GYS2: variants seen among roughly 807,000 people sequenced by gnomAD.
The protein encoded by GYS2 is glycogen [starch] synthase, liver.
In GYS2, 80 loss-of-function variants were observed where a neutral mutation model predicts 85.6. The ratio of observed to expected loss-of-function variants is 0.93; its 90% CI spans 0.78 to 1.13. The LOEUF is 1.13. Among genes scored for constraint, GYS2 ranks in the 50% most tolerant of loss-of-function variants. GYS2 has a pLI of 0.00. For missense variants in GYS2, 881 were observed against 854.9 expected, an observed-to-expected ratio of 1.03 and a Z score of -0.38; for synonymous variants, 328 against 300.7, an observed-to-expected ratio of 1.09 and a Z score of -0.94.
At chr12:21,566,860 T>A (rs909674356) in intron 5 of GYS2, among the ~76,000 whole-genome samples, 3 of 152,170 alleles carry the variant, frequency 2.0e-5, no homozygotes, top group African/African-American at 7.2e-5. Context: ...TGACCACTAC[T>A]CTGTAGCTAT....
intron 1 of GYS2, among the ~76,000 whole-genome samples, chr12:21,582,828 A>T (rs1944528078): frequency 6.6e-6 from 1 of 152,180 alleles, no homozygotes; most frequent in Admixed American, 6.5e-5. Flanking sequence ...GAGAACACTG[A>T]TAATCCTTGG....
intron 12 of GYS2, 57 bp from the exon 13 acceptor site, chr12:21,542,648 GC>G (rs1943992687): frequency 1.8e-6 from 2 of 1,130,292 alleles, no homozygotes; most frequent in Admixed American, 3.4e-5. Context: ...ATCCTTGTAT[GC>G]ACTCAGAGGA....
chr12:21,585,950 G>A (rs1944567919), intron 1 of GYS2, among the ~76,000 whole-genome samples: 2 of 152,148 alleles, frequency 1.3e-5, no homozygotes, highest in Admixed American at 1.3e-4. Context: ...GTCTTTATTT[G>A]AAGATAATGT....
intron 1 of GYS2, among the ~76,000 whole-genome samples, chr12:21,599,058 T>C (rs1161610326): frequency 1.0e-5 from 1 of 96,780 alleles, no homozygotes; most frequent in Non-Finnish European, 2.1e-5. Flanking sequence ...TCTCTTTCTC[T>C]GCCTCTCTCT....
intron 7 of GYS2, among the ~76,000 whole-genome samples, chr12:21,562,412 G>A (rs1397645926): frequency 6.6e-6 from 1 of 152,078 alleles, no homozygotes; most frequent in South Asian, 2.1e-4. Flanking sequence ...GGAGAGGAGA[G>A]TGATGGTCAG....
At chr12:21,562,539 T>C (rs1215122123) in intron 7 of GYS2, among the ~76,000 whole-genome samples, 1 of 152,174 alleles carries the variant, frequency 6.6e-6, no homozygotes, top group Non-Finnish European at 1.5e-5. Context: ...TGAAAATTGA[T>C]ATTTTGCTCT....
Position 21,540,532 on chromosome 12 carries a change from A to G in GYS2, c.1687T>C (p.Ser563Pro). Residue 563 changes from serine to proline, a missense_variant, in exon 14 of 16, where the codon TCT becomes CCT. Transcript: ENST00000261195. The part of the protein sequence containing the change: ...VDRRFRSPDD[S>P]CNQLTKFLYG... ...AGAAACTTAGTCAGCTGATTGCAAG[A>G]ATCATCTGGAGAACGGAACCGCCTG... 6.2e-7 allele frequency: 1 copy of G among 1,614,074 alleles called. No individual in the cohort carries two copies. Among genetic ancestry groups the G allele is most frequent in the Non-Finnish European group, 8.5e-7 (1 of 1,179,936 alleles).
intron 11 of GYS2, among the ~76,000 whole-genome samples, chr12:21,549,265 T>G (rs1944078562): frequency 6.6e-6 from 1 of 152,206 alleles, no homozygotes; most frequent in Non-Finnish European, 1.5e-5. Flanking sequence ...CCTAAGGGGT[T>G]ATTGAAAATA....
At chr12:21,565,431 A>ATG (rs1247721502) in intron 5 of GYS2, among the ~76,000 whole-genome samples, 5 of 118,894 alleles carry the variant, frequency 4.2e-5, no homozygotes, top group Non-Finnish European at 9.1e-5. Context: ...ATATATATAT[A>ATG]TATGGATGTT....
intron 1 of GYS2, among the ~76,000 whole-genome samples, 196 bp downstream of exon 1, chr12:21,604,276 A>T (rs893160311): frequency 6.6e-6 from 1 of 152,144 alleles, no homozygotes; most frequent in Non-Finnish European, 1.5e-5. Context: ...TCCCTCTTCA[A>T]CACATACACA....
intron 1 of GYS2, among the ~76,000 whole-genome samples, chr12:21,603,103 T>A (rs1310982472): frequency 6.6e-6 from 1 of 152,104 alleles, no homozygotes; most frequent in East Asian, 1.9e-4. Flanking sequence ...GAAAAATTTG[T>A]GACTAGAAAA....
chr12:21,536,691 A>C lies in GYS2; in HGVS notation c.*263T>G, dbSNP rs557625383. 6.2e-6 allele frequency: 3 copies of C among 485,118 alleles called. No individual in the cohort carries two copies. The highest frequency in any genetic ancestry group is 3.9e-5 in the African/African-American group (2 of 51,476). The allele number at this position is 485,118 out of a possible 1,614,324, so 30.1% of individuals were successfully genotyped here. A position where few individuals can be genotyped will look rare whatever the true frequency, so the allele number is the denominator to read the frequency against. ...TTACCACTTAAATTCACCATTTTAA[A>C]AACACTTTTCCGTCTTCTGCCTTTA... is the stretch of plus-strand genomic sequence containing the variant. On this transcript the variant is annotated 3_prime_UTR_variant, in exon 16 of 16. Transcript: ENST00000261195.
At chr12:21,591,650 A>G (rs1190903867) in intron 1 of GYS2, among the ~76,000 whole-genome samples, 2 of 152,284 alleles carry the variant, frequency 1.3e-5, no homozygotes, top group Non-Finnish European at 1.5e-5. Flanking sequence ...AGAAATTCCC[A>G]AATAATATAA....
chr12:21,552,124 G>A (rs981137425), intron 11 of GYS2, among the ~76,000 whole-genome samples: 2 of 152,058 alleles, frequency 1.3e-5, no homozygotes, highest in Admixed American at 6.6e-5. Context: ...TACAAAAATC[G>A]CCCAGGAAAG....
At chr12:21,573,231 A>G (rs1017031801) in intron 4 of GYS2, among the ~76,000 whole-genome samples, 11 of 152,222 alleles carry the variant, frequency 7.2e-5, no homozygotes, top group Non-Finnish European at 1.6e-4. Context: ...TTATTTGTGT[A>G]TTACACACAC....
At chr12:21,577,995 A>G (rs1944465851) in intron 2 of GYS2, among the ~76,000 whole-genome samples, 1 of 152,112 alleles carries the variant, frequency 6.6e-6, no homozygotes, top group Non-Finnish European at 1.5e-5. Flanking sequence ...GACCTTATGG[A>G]CTTAAAAGAC....
chr12:21,579,358 T>A (rs1296439068), intron 2 of GYS2, among the ~76,000 whole-genome samples: 1 of 148,342 alleles, frequency 6.7e-6, no homozygotes, highest in African/African-American at 2.5e-5. Flanking sequence ...TCTTTTTTTT[T>A]TTTTTTTTTT....
At chr12:21,593,767 C>T (rs143977326) in intron 1 of GYS2, among the ~76,000 whole-genome samples, 154 of 152,202 alleles carry the variant, frequency 1.0e-3, no homozygotes, top group African/African-American at 3.4e-3. Context: ...TTCTCTGAGG[C>T]CAGTATTATC....
chr12:21,554,094 A>AATTTC (rs1944146486), intron 11 of GYS2, among the ~76,000 whole-genome samples: 1 of 151,976 alleles, frequency 6.6e-6, no homozygotes, highest in Non-Finnish European at 1.5e-5. Flanking sequence ...AAATACATTG[A>AATTTC]CTTTCCTTTC....
Sources: allele counts gnomAD v4.1 joint callset (sites outside exome capture counted in the v4.1 genomes callset), GRCh38; gene constraint gnomAD v4.1.1; transcripts MANE v1.5; gene names NCBI Gene and HGNC (gene_info 2026-07-23, HGNC 2026-07-21).